The following CSMD1 variants were observed in gnomAD, a reference collection of about 807,000 sequenced individuals.
CSMD1 encodes the protein CUB and sushi domain-containing protein 1.
Under a neutral mutation model 417.5 loss-of-function variants are expected in CSMD1, and 213 were observed. That is an observed-to-expected ratio of 0.51 (90% CI 0.46 to 0.57). The LOEUF (loss-of-function observed/expected upper bound fraction) is 0.57, where lower values mean the gene tolerates loss of function less well. CSMD1 is among the 20% of genes least tolerant of loss of function. The pLI is 0.00. For missense variants in CSMD1, 6,923 were observed against 4,529.7 expected, an observed-to-expected ratio of 1.53 and a Z score of -15.17; for synonymous variants, 2,862 against 1,736.8, an observed-to-expected ratio of 1.65 and a Z score of -16.11.
At chr8:4,544,509 T>C (rs17070576) in intron 2 of CSMD1, among the ~76,000 whole-genome samples, 28,520 of 152,104 alleles carry the variant, frequency 0.19, 3,326 homozygotes, top group South Asian at 0.3. Context: ...ATATGTTACA[T>C]TGGGATCCAC....
intron 1 of CSMD1, among the ~76,000 whole-genome samples, chr8:4,743,880 G>A (rs1427118026): frequency 7.9e-5 from 12 of 152,082 alleles, no homozygotes; most frequent in Admixed American, 6.6e-4. Context: ...TCAAGTTCTA[G>A]TTGCTCCCTA....
intron 7 of CSMD1, among the ~76,000 whole-genome samples, chr8:3,676,693 C>G (rs2624103): frequency 0.91 from 138,282 of 152,174 alleles, 62,929 homozygotes; most frequent in Admixed American, 0.95. Flanking sequence ...TTAAAGATGA[C>G]TGTCCATTTC....
At chr8:3,705,318 G>C (rs896876059) in intron 7 of CSMD1, among the ~76,000 whole-genome samples, 1 of 152,216 alleles carries the variant, frequency 6.6e-6, no homozygotes, top group African/African-American at 2.4e-5. Context: ...AGCAGAGACA[G>C]CTTCAGGGGG....
intron 1 of CSMD1, among the ~76,000 whole-genome samples, chr8:4,862,071 G>A (rs529348791): frequency 2.0e-5 from 3 of 152,176 alleles, no homozygotes; most frequent in Non-Finnish European, 2.9e-5. Context: ...AAATGCTACT[G>A]GGAATGGCGT....
At chr8:3,565,189 CATAG>C (rs1174351665) in intron 10 of CSMD1, among the ~76,000 whole-genome samples, 2 of 14,370 alleles carry the variant, frequency 1.4e-4, no homozygotes, top group Admixed American at 8.2e-4. Flanking sequence ...AAGAAAGATA[CATAG>C]ATAGACAGAT....
At chr8:3,505,145 G>A (rs894826000) in intron 10 of CSMD1, among the ~76,000 whole-genome samples, 4 of 152,144 alleles carry the variant, frequency 2.6e-5, no homozygotes, top group Non-Finnish European at 4.4e-5. Flanking sequence ...ATTGAAATCT[G>A]CCCTCAGATG....
intron 4 of CSMD1, among the ~76,000 whole-genome samples, chr8:4,027,385 A>T (rs1797117167): frequency 6.6e-6 from 1 of 152,070 alleles, no homozygotes; most frequent in African/African-American, 2.4e-5. Context: ...CTAATCCCCT[A>T]ATCCCCATGA....
chr8:3,975,854 G>C (rs759184584), intron 5 of CSMD1, among the ~76,000 whole-genome samples: 1 of 151,970 alleles, frequency 6.6e-6, no homozygotes, highest in Admixed American at 6.6e-5. Context: ...AGTTATTGTT[G>C]TCCTTCATTT....
chr8:4,419,899 G>A, intron 3 of CSMD1, 54 bp downstream of exon 3: 2 of 1,154,942 alleles, frequency 1.7e-6, no homozygotes, highest in Middle Eastern at 1.9e-4. Context: ...AGTGTAGCAT[G>A]TATTAGATCA....
chr8:4,526,999 A>C (rs943425417), intron 2 of CSMD1, among the ~76,000 whole-genome samples: 2 of 152,094 alleles, frequency 1.3e-5, no homozygotes, highest in African/African-American at 4.8e-5. Context: ...CTTACTTACA[A>C]AGTCTTTATA....
At chr8:4,050,138 T>A (rs1400263008) in intron 3 of CSMD1, among the ~76,000 whole-genome samples, 1 of 152,160 alleles carries the variant, frequency 6.6e-6, no homozygotes, top group East Asian at 1.9e-4. Flanking sequence ...ACACTTCTCG[T>A]CGCAGCATGC....
At chr8:4,583,464 T>C (rs1469551590) in intron 2 of CSMD1, among the ~76,000 whole-genome samples, 1 of 151,926 alleles carries the variant, frequency 6.6e-6, no homozygotes, top group African/African-American at 2.4e-5. Flanking sequence ...GCTGCTCTGA[T>C]GGGGCCTTGG....
At chr8:4,095,449 A>T (rs1005289271) in intron 3 of CSMD1, among the ~76,000 whole-genome samples, 5 of 152,182 alleles carry the variant, frequency 3.3e-5, no homozygotes, top group Non-Finnish European at 7.3e-5. Context: ...TCTTTCTTGC[A>T]ATTTGAGCAT....
chr8:3,435,899 A>T (rs1224647653), intron 12 of CSMD1, among the ~76,000 whole-genome samples: 1 of 152,216 alleles, frequency 6.6e-6, no homozygotes, highest in Admixed American at 6.5e-5. Flanking sequence ...TTCCCCTTGG[A>T]TGAGTCTTCC....
intron 33 of CSMD1, among the ~76,000 whole-genome samples, chr8:3,194,913 A>T (rs1435814883): frequency 1.3e-5 from 2 of 152,094 alleles, no homozygotes; most frequent in Non-Finnish European, 2.9e-5. Flanking sequence ...CAGGTTAGAG[A>T]TGGTGACCCG....
At position 4,263,432 on chromosome 8, in the gene CSMD1, T is replaced by C. The variant is rs1043401160; in HGVS notation, c.415+156521A>G. Among the ~76,000 whole-genome samples the C allele has an allele frequency of 1.3e-5, 2 of 152,188 alleles. 1 individual carries two copies. Among genetic ancestry groups the C allele is most frequent in the South Asian group, 4.1e-4 (2 of 4,834 alleles). On this transcript the variant is annotated intron_variant, in intron 3 of 69. Transcript: ENST00000635120. Reference sequence around the variant, plus strand: ...CATTCAGGTAAACAAAAACATCGTATGGGACTGCTTTTAGATTTGTGACAT... The same window carrying C: ...CATTCAGGTAAACAAAAACATCGTACGGGACTGCTTTTAGATTTGTGACAT...
At chr8:3,719,649 C>T (rs769882948) in intron 6 of CSMD1, among the ~76,000 whole-genome samples, 7 of 152,036 alleles carry the variant, frequency 4.6e-5, no homozygotes, top group African/African-American at 4.8e-5. Flanking sequence ...CTGGGTAGGG[C>T]GGTCAGATGA....
chr8:3,336,275 T>A (rs1482354619), intron 23 of CSMD1, among the ~76,000 whole-genome samples: 1 of 152,096 alleles, frequency 6.6e-6, no homozygotes, highest in Non-Finnish European at 1.5e-5. Context: ...GTATTATGAG[T>A]GTTTCCAAGG....
intron 5 of CSMD1, among the ~76,000 whole-genome samples, chr8:3,778,890 A>C (rs933922887): frequency 8.0e-4 from 122 of 152,280 alleles, no homozygotes; most frequent in African/African-American, 2.9e-3. Context: ...TTGGACAAAA[A>C]GTAGGACAGG....
Sources: gnomAD v4.1 joint callset for allele counts (sites outside exome capture counted in the v4.1 genomes callset) on GRCh38, gnomAD v4.1.1 for gene constraint, MANE v1.5 for transcripts, NCBI Gene and HGNC (gene_info 2026-07-23, HGNC 2026-07-21) for gene names.